The following CRYBG3 variants were observed in gnomAD, a reference collection of about 807,000 sequenced individuals.
The protein encoded by CRYBG3 is very large A-kinase anchor protein.
A neutral mutation model predicts 244.2 loss-of-function variants in CRYBG3; 127 were observed. That is an observed-to-expected ratio of 0.52 (90% CI 0.45 to 0.60). The LOEUF is 0.60. Ranked by LOEUF, CRYBG3 falls within the 20% of genes least tolerant of loss-of-function variation. The pLI, the probability that CRYBG3 is intolerant of heterozygous loss-of-function variation, is 0.00. For synonymous variants in CRYBG3, 1,132 were observed against 1,195.8 expected (o/e 0.95, Z 1.10); for missense variants, 3,325 against 3,442.5 (o/e 0.97, Z 0.85).
intron 4 of CRYBG3, 41 bp from the exon 5 acceptor site, chr3:97,879,663 G>A (rs758104198): frequency 5.0e-6 from 7 of 1,406,706 alleles, no homozygotes; most frequent in East Asian, 2.3e-5. Flanking sequence ...TCTTTTCACC[G>A]ATGTTTCTTA....
intron 3 of CRYBG3, among the ~76,000 whole-genome samples, chr3:97,866,479 C>A (rs1047488975): frequency 1.3e-5 from 2 of 152,192 alleles, no homozygotes; most frequent in African/African-American, 4.8e-5. Context: ...CACCTGGGAC[C>A]TCATTAGAAA....
intron 3 of CRYBG3, among the ~76,000 whole-genome samples, chr3:97,866,103 A>G (rs1559724473): frequency 6.6e-6 from 1 of 152,202 alleles, no homozygotes; most frequent in Non-Finnish European, 1.5e-5. Context: ...TTCATTATCA[A>G]GGAAATGCAA....
Position 97,822,180 on chromosome 3 carries a change from G to A in CRYBG3, c.-27G>A, listed in dbSNP as rs2038509214. On this transcript the variant is annotated 5_prime_UTR_variant, in exon 1 of 22. Coordinates refer to ENST00000389622, the MANE Select transcript of CRYBG3 (RefSeq NM_153605.4). The stretch of plus-strand genomic sequence containing the variant: ...ACACCTAGGCCGTTCCCTTCAGACA[G>A]CCCCGGGCCAGCGGCCCCCTCGGGA... 1 of 1,500,918 alleles carries A rather than the reference G, an allele frequency of 6.7e-7. No homozygotes were observed. The allele number at this position is 1,500,918 out of a possible 1,614,324, so 93.0% of individuals were successfully genotyped here.
intron 12 of CRYBG3, among the ~76,000 whole-genome samples, chr3:97,896,575 G>T (rs971269474): frequency 1.9e-4 from 29 of 152,292 alleles, no homozygotes; most frequent in African/African-American, 6.7e-4. Flanking sequence ...TAGAAACAGG[G>T]TGAAGGAAAA....
At chr3:97,827,782 TCA>T (rs1222332069) in intron 1 of CRYBG3, among the ~76,000 whole-genome samples, 1 of 117,678 alleles carries the variant, frequency 8.5e-6, no homozygotes, top group Non-Finnish European at 2.0e-5. Flanking sequence ...CAGTAGGTAA[TCA>T]AAAGTCTCAC....
intron 3 of CRYBG3, among the ~76,000 whole-genome samples, chr3:97,867,845 C>G (rs913492960): frequency 2.0e-5 from 3 of 152,136 alleles, no homozygotes; most frequent in African/African-American, 7.2e-5. Context: ...AATTCTCTTC[C>G]TCCTATTGTT....
chr3:97,878,569 A>G (rs1313955681), intron 4 of CRYBG3, among the ~76,000 whole-genome samples: 1 of 152,266 alleles, frequency 6.6e-6, no homozygotes, highest in East Asian at 1.9e-4. Context: ...TTTAAAAAGC[A>G]TAATACTGAA....
chr3:97,862,014 A>G (rs1161744845), intron 2 of CRYBG3, among the ~76,000 whole-genome samples: 1 of 152,148 alleles, frequency 6.6e-6, no homozygotes, highest in Non-Finnish European at 1.5e-5. Flanking sequence ...TAAGGGAACT[A>G]AAAAATACTC....
intron 2 of CRYBG3, among the ~76,000 whole-genome samples, chr3:97,856,136 T>C (rs2039060709): frequency 6.6e-6 from 1 of 152,142 alleles, no homozygotes; most frequent in Non-Finnish European, 1.5e-5. Flanking sequence ...CAGGCACGTA[T>C]TCTCTTTACC....
chr3:97,890,659 A>G (rs2039565455), intron 10 of CRYBG3, among the ~76,000 whole-genome samples: 1 of 152,188 alleles, frequency 6.6e-6, no homozygotes, highest in Non-Finnish European at 1.5e-5. Context: ...GATTGGTACT[A>G]TATATTGTTT....
intron 2 of CRYBG3, among the ~76,000 whole-genome samples, chr3:97,862,250 A>C (rs903665738): frequency 2.0e-5 from 3 of 152,176 alleles, no homozygotes; most frequent in African/African-American, 7.2e-5. Flanking sequence ...TTTTTGACAA[A>C]AATTACTGTT....
chr3:97,871,004 G>T (rs936790807), intron 3 of CRYBG3, among the ~76,000 whole-genome samples: 1 of 152,152 alleles, frequency 6.6e-6, no homozygotes. Flanking sequence ...CTGAGTCTTA[G>T]AGGGCATTAG....
At chr3:97,886,821 T>G in intron 8 of CRYBG3, 54 bp downstream of exon 8, 3 of 1,416,890 alleles carry the variant, frequency 2.1e-6, no homozygotes, top group Non-Finnish European at 2.9e-6. Context: ...ATTTCATATT[T>G]CAATAGATGA....
At chr3:97,846,492 C>T (rs1433161901) in intron 2 of CRYBG3, among the ~76,000 whole-genome samples, 1 of 152,176 alleles carries the variant, frequency 6.6e-6, no homozygotes, top group African/African-American at 2.4e-5. Flanking sequence ...CCTTTGATCT[C>T]AAATTCAGTT....
intron 2 of CRYBG3, among the ~76,000 whole-genome samples, chr3:97,845,435 C>T (rs570663747): frequency 3.9e-5 from 6 of 152,122 alleles, no homozygotes; most frequent in Middle Eastern, 3.2e-3. Context: ...TTACTAACAT[C>T]GGCGGCTACT....
At position 97,941,156 on chromosome 3, in the gene CRYBG3, G is replaced by T; in HGVS notation, c.8514G>T (p.Val2838=). ...TGTTTCTCCTGTCATAGCCTGCAGT[G>T]TACATCAGAATAAAGAACCGTGCCC... The part of the protein sequence containing the change: ...GSLRPMKQPA[V]YIRIKNRAQG... The change falls in exon 20 of 22, where the codon GTG becomes GTT. Residue 2838 remains valine (V), a synonymous_variant. Transcript: ENST00000389622. 3 of 1,609,156 alleles carry T rather than the reference G, an allele frequency of 1.9e-6. No individual in the cohort carries two copies. Among genetic ancestry groups the T allele is most frequent in the Non-Finnish European group, 2.5e-6 (3 of 1,177,314 alleles).
intron 17 of CRYBG3, among the ~76,000 whole-genome samples, chr3:97,929,022 G>C (rs2040069534): frequency 1.3e-5 from 2 of 151,946 alleles, no homozygotes; most frequent in African/African-American, 4.8e-5. Flanking sequence ...GGGATGAGGA[G>C]GAACAATGAG....
intron 2 of CRYBG3, among the ~76,000 whole-genome samples, chr3:97,850,178 T>A (rs773119607): frequency 1.2e-4 from 19 of 152,134 alleles, no homozygotes; most frequent in Non-Finnish European, 1.8e-4. Context: ...AATCTAGTGT[T>A]TTATCTCCCT....
chr3:97,915,226 T>G (rs942883706), intron 16 of CRYBG3, among the ~76,000 whole-genome samples: 1 of 152,194 alleles, frequency 6.6e-6, no homozygotes, highest in African/African-American at 2.4e-5. Flanking sequence ...ATAAAAAGAA[T>G]GTCTTTAGCT....
Sources: gnomAD v4.1 joint callset for allele counts (sites outside exome capture counted in the v4.1 genomes callset) on GRCh38, gnomAD v4.1.1 for gene constraint, MANE v1.5 for transcripts, NCBI Gene and HGNC (gene_info 2026-07-23, HGNC 2026-07-21) for gene names.